CRACD: variants seen among roughly 807,000 people sequenced by gnomAD.
The protein encoded by CRACD is capping protein-inhibiting regulator of actin dynamics.
CRACD carries 56 observed loss-of-function variants against 106.8 expected under a neutral mutation model. The observed-to-expected ratio is 0.52, with a 90% CI of 0.42 to 0.66. CRACD has a LOEUF of 0.66. Ranked by LOEUF, CRACD falls within the 30% of genes least tolerant of loss-of-function variation. The probability of loss-of-function intolerance (pLI) is 0.00; values close to 1 mark genes in which losing one functional copy is unlikely to be tolerated. For synonymous variants in CRACD, 754 were observed against 670.8 expected (o/e 1.12, Z -1.92); for missense variants, 1,730 against 1,623.2 (o/e 1.07, Z -1.13).
At chr4:56,219,376 C>T (rs539176752) in intron 2 of CRACD, among the ~76,000 whole-genome samples, 1 of 152,282 alleles carries the variant, frequency 6.6e-6, no homozygotes, top group East Asian at 1.9e-4. Context: ...GAGACAGAGT[C>T]TTGCTCTTTC....
chr4:56,073,378 G>A (rs35417087), intron 1 of CRACD, among the ~76,000 whole-genome samples: 52,296 of 152,018 alleles, frequency 0.34, 9,359 homozygotes, highest in African/African-American at 0.43. Flanking sequence ...TTTTTGTCGT[G>A]TGTTTGTTGG....
intron 3 of CRACD, among the ~76,000 whole-genome samples, chr4:56,273,805 T>C (rs1215999309): frequency 1.3e-5 from 2 of 152,176 alleles, no homozygotes; most frequent in Non-Finnish European, 2.9e-5. Context: ...CTCAAAAAAA[T>C]GTTTTCCATG....
At chr4:56,172,437 G>A (rs192714820) in intron 1 of CRACD, among the ~76,000 whole-genome samples, 19 of 152,278 alleles carry the variant, frequency 1.2e-4, no homozygotes, top group African/African-American at 4.3e-4. Flanking sequence ...AGAAGTGAAC[G>A]AATCTTGGAG....
chr4:56,125,514 G>A (rs1734628227), intron 1 of CRACD, among the ~76,000 whole-genome samples: 1 of 152,024 alleles, frequency 6.6e-6, no homozygotes, highest in Non-Finnish European at 1.5e-5. Context: ...AACCTCCTGG[G>A]CTCTAGCAGT....
chr4:56,270,323 T>A (rs1742277245), intron 2 of CRACD, among the ~76,000 whole-genome samples: 1 of 152,050 alleles, frequency 6.6e-6, no homozygotes, highest in African/African-American at 2.4e-5. Flanking sequence ...CCCGAGTAAC[T>A]GAGATTACAG....
At chr4:56,121,111 A>AT (rs1489923963) in intron 1 of CRACD, among the ~76,000 whole-genome samples, 10 of 152,112 alleles carry the variant, frequency 6.6e-5, no homozygotes, top group African/African-American at 2.4e-4. Flanking sequence ...TAACATTACT[A>AT]TTTTTGCAAA....
At chr4:56,218,633 G>T (rs568679601) in intron 2 of CRACD, among the ~76,000 whole-genome samples, 1 of 146,090 alleles carries the variant, frequency 6.8e-6, no homozygotes, top group Non-Finnish European at 1.5e-5. Context: ...CTTTCAACAG[G>T]CTCTCTCTCT....
At chr4:56,140,738 A>G (rs1029217980) in intron 1 of CRACD, among the ~76,000 whole-genome samples, 12 of 152,210 alleles carry the variant, frequency 7.9e-5, no homozygotes, top group African/African-American at 2.9e-4. Context: ...TGCCCTGTCC[A>G]TCAGGTCTCT....
At chr4:56,265,881 A>G (rs11732236) in intron 2 of CRACD, among the ~76,000 whole-genome samples, 32,032 of 152,084 alleles carry the variant, frequency 0.21, 3,897 homozygotes, top group Non-Finnish European at 0.27. Flanking sequence ...TTATTATTGT[A>G]GGTTTAGAAA....
intron 2 of CRACD, among the ~76,000 whole-genome samples, chr4:56,268,205 A>G (rs1198297602): frequency 1.3e-5 from 2 of 152,226 alleles, no homozygotes; most frequent in Non-Finnish European, 2.9e-5. Flanking sequence ...CTTTATTTAG[A>G]GTTAACTCAA....
chr4:56,119,819 G>A (rs940306622), intron 1 of CRACD, among the ~76,000 whole-genome samples: 1 of 152,114 alleles, frequency 6.6e-6, no homozygotes, highest in Non-Finnish European at 1.5e-5. Flanking sequence ...TACATAATAT[G>A]TCTAAGGAGA....
At chr4:56,105,026 G>T (rs1733903582) in intron 1 of CRACD, among the ~76,000 whole-genome samples, 1 of 150,450 alleles carries the variant, frequency 6.6e-6, no homozygotes, top group Admixed American at 6.6e-5. Flanking sequence ...AAACTATTCT[G>T]CTATAAAATT....
intron 1 of CRACD, among the ~76,000 whole-genome samples, chr4:56,156,012 G>A (rs2109896929): frequency 6.6e-6 from 1 of 152,276 alleles, no homozygotes; most frequent in African/African-American, 2.4e-5. Context: ...CACCCAGGCT[G>A]GAGTGCAGTG....
intron 2 of CRACD, among the ~76,000 whole-genome samples, chr4:56,193,537 A>G (rs2109460581): frequency 6.6e-6 from 1 of 152,308 alleles, no homozygotes; most frequent in Middle Eastern, 3.4e-3. Flanking sequence ...TTCCTTCCCA[A>G]ATTGTTCCTT....
intron 2 of CRACD, among the ~76,000 whole-genome samples, chr4:56,239,067 C>T (rs776296829): frequency 6.6e-6 from 1 of 152,050 alleles, no homozygotes; most frequent in Non-Finnish European, 1.5e-5. Context: ...CCGAGGCGGG[C>T]AGGTCACTTG....
chr4:56,075,726 T>A (rs1433412913), intron 1 of CRACD, among the ~76,000 whole-genome samples: 1 of 152,194 alleles, frequency 6.6e-6, no homozygotes, highest in Non-Finnish European at 1.5e-5. Context: ...TCGTATAATA[T>A]CTAAATATGA....
At chr4:56,087,991 T>C (rs1733287670) in intron 1 of CRACD, among the ~76,000 whole-genome samples, 1 of 152,160 alleles carries the variant, frequency 6.6e-6, no homozygotes, top group South Asian at 2.1e-4. Context: ...TCTGTCACCA[T>C]GTCTAAAATT....
chr4:56,264,368 G>A (rs1480823218), intron 2 of CRACD, among the ~76,000 whole-genome samples: 1 of 152,098 alleles, frequency 6.6e-6, no homozygotes, highest in East Asian at 1.9e-4. Context: ...AAGAGAGAGA[G>A]AATTTCATCA....
intron 1 of CRACD, among the ~76,000 whole-genome samples, chr4:56,059,935 C>T (rs892490862): frequency 6.6e-6 from 1 of 152,214 alleles, no homozygotes; most frequent in Non-Finnish European, 1.5e-5. Flanking sequence ...CCACTTGCCT[C>T]GGCCTCCCAA....
Sources: allele counts gnomAD v4.1 joint callset (sites outside exome capture counted in the v4.1 genomes callset), GRCh38; gene constraint gnomAD v4.1.1; transcripts MANE v1.5; gene names NCBI Gene and HGNC (gene_info 2026-07-23, HGNC 2026-07-21).